Variants in FBXL4 observed in about 807,000 individuals in gnomAD.
FBXL4 encodes F-box and leucine rich repeat protein 4.
Under a neutral mutation model 58.9 loss-of-function variants are expected in FBXL4, and 40 were observed. That is an observed-to-expected ratio of 0.68 (90% confidence interval 0.53 to 0.88). FBXL4 has a LOEUF of 0.88. Ranked by LOEUF, FBXL4 falls within the 40% of genes least tolerant of loss-of-function variation. The probability of loss-of-function intolerance (pLI) is 0.00; values close to 1 mark genes in which losing one functional copy is unlikely to be tolerated. For missense variants in FBXL4, 676 were observed against 734.4 expected (o/e 0.92, Z 0.92); for synonymous variants, 263 against 265.5 (o/e 0.99, Z 0.09).
At chr6:98,879,942 CAAAAAAAAAA>C (rs57952065) in intron 8 of FBXL4, among the ~76,000 whole-genome samples, 2 of 62,544 alleles carry the variant, frequency 3.2e-5, no homozygotes, top group African/African-American at 1.3e-4. Flanking sequence ...GACTCCATCT[CAAAAAAAAAA>C]AAAAAAAAAA....
chr6:98,874,357 G>A lies in FBXL4; in HGVS notation c.1787C>T (p.Ser596Leu), dbSNP rs542778224. ...DLSLLDVSFC[S>L]QIDNRAVLEL... The stretch of plus-strand genomic sequence containing the variant: ...TAGCACAGCTCTGTTATCAATCTGC[G>A]AACAGAAGGACACATCAAGTAAAGA... The change falls in exon 10 of 10, where the codon TCG (serine) becomes TTG (leucine). Residue 596 changes from serine (S) to leucine (L), a missense_variant. Ser to Leu is a moderately radical substitution (Grantham distance 145, BLOSUM62 -2). Coordinates refer to ENST00000369244, the MANE Select transcript of FBXL4 (RefSeq NM_001278716.2). The A allele has an allele frequency of 5.0e-6, 8 of 1,612,982 alleles. No individual in the cohort carries two copies. The highest frequency in any genetic ancestry group is 1.7e-5 in the Admixed American group (1 of 59,788).
intron 1 of FBXL4, among the ~76,000 whole-genome samples, chr6:98,935,309 T>G (rs1269465336): frequency 1.3e-5 from 2 of 150,070 alleles, no homozygotes; most frequent in African/African-American, 2.5e-5. Context: ...GGTTTTTTGT[T>G]TTTTTTTTTT....
chr6:98,913,255 T>C (rs1364601864), intron 5 of FBXL4, among the ~76,000 whole-genome samples: 16 of 152,140 alleles, frequency 1.1e-4, no homozygotes, highest in South Asian at 8.3e-4. Flanking sequence ...CTGTCAACAT[T>C]AGACAGATCA....
intron 5 of FBXL4, among the ~76,000 whole-genome samples, chr6:98,911,520 C>T (rs1772068527): frequency 6.6e-6 from 1 of 152,182 alleles, no homozygotes; most frequent in South Asian, 2.1e-4. Flanking sequence ...ATTCGCGGAT[C>T]ACGAAAATCT....
At chr6:98,913,146 A>G (rs1772169258) in intron 5 of FBXL4, among the ~76,000 whole-genome samples, 3 of 152,324 alleles carry the variant, frequency 2.0e-5, no homozygotes, top group African/African-American at 7.2e-5. Flanking sequence ...ATATATATGC[A>G]TCCAATACAG....
At chr6:98,916,532 T>C (rs1381026933) in intron 5 of FBXL4, among the ~76,000 whole-genome samples, 1 of 151,576 alleles carries the variant, frequency 6.6e-6, no homozygotes, top group Non-Finnish European at 1.5e-5. Context: ...ATGGATGAAA[T>C]TGGAAATCAT....
intron 2 of FBXL4, among the ~76,000 whole-genome samples, chr6:98,930,091 C>T (rs1272655869): frequency 6.6e-6 from 1 of 152,156 alleles, no homozygotes; most frequent in Non-Finnish European, 1.5e-5. Context: ...ACAGACTAAA[C>T]CTTTACTAAT....
At chr6:98,916,725 G>A (rs1479486506) in intron 5 of FBXL4, among the ~76,000 whole-genome samples, 1 of 151,318 alleles carries the variant, frequency 6.6e-6, no homozygotes, top group Non-Finnish European at 1.5e-5. Context: ...GCTAAATGAC[G>A]AGTTGATGGG....
chr6:98,869,136 AT>A lies in FBXL4; in HGVS notation c.*5141del, dbSNP rs1204837006. 3.3e-5 allele frequency: 5 copies of A among 152,346 alleles called. No homozygotes were observed. The highest frequency in any genetic ancestry group is 1.2e-4 in the African/African-American group (5 of 41,586). The allele number at this position is 152,346 out of a possible 1,614,324, so 9.4% of individuals were successfully genotyped here. On this transcript the variant is annotated 3_prime_UTR_variant, in exon 10 of 10. Transcript: ENST00000369244. ...GTCAAAAAAAGCAAATGAGGTGATG[AT>A]TGGCAGTTAATGGTCATTGACAAGA...
intron 2 of FBXL4, among the ~76,000 whole-genome samples, chr6:98,930,840 T>C (rs1026089599): frequency 3.9e-5 from 6 of 152,216 alleles, no homozygotes; most frequent in African/African-American, 1.4e-4. Flanking sequence ...ATACACTTTA[T>C]TTCAAAATAG....
chr6:98,938,241 C>T (rs1773296801), intron 1 of FBXL4, among the ~76,000 whole-genome samples: 1 of 152,134 alleles, frequency 6.6e-6, no homozygotes, highest in African/African-American at 2.4e-5. Context: ...CTTACAGGTT[C>T]TCTCTGTTGA....
At chr6:98,896,715 T>C (rs927858059) in intron 7 of FBXL4, 1 of 841,102 alleles carries the variant, frequency 1.2e-6, no homozygotes, top group Non-Finnish European at 1.4e-6. Flanking sequence ...ATAAAAAAAA[T>C]TTAATAGGAA....
At chr6:98,910,453 A>G (rs970317733) in intron 5 of FBXL4, among the ~76,000 whole-genome samples, 2 of 151,888 alleles carry the variant, frequency 1.3e-5, no homozygotes, top group Non-Finnish European at 2.9e-5. Context: ...GGAGATCGAG[A>G]CAATACTGGC....
intron 5 of FBXL4, among the ~76,000 whole-genome samples, chr6:98,914,923 T>C (rs1037828326): frequency 6.6e-6 from 1 of 152,138 alleles, no homozygotes; most frequent in African/African-American, 2.4e-5. Context: ...GAAAACCCCA[T>C]TGTCTCAGCC....
intron 5 of FBXL4, among the ~76,000 whole-genome samples, chr6:98,910,314 G>C (rs535937123): frequency 6.6e-6 from 1 of 152,232 alleles, no homozygotes; most frequent in East Asian, 1.9e-4. Context: ...CACCCCAGTA[G>C]GGACACACTG....
At chr6:98,911,906 G>C (rs1772092211) in intron 5 of FBXL4, among the ~76,000 whole-genome samples, 1 of 152,106 alleles carries the variant, frequency 6.6e-6, no homozygotes, top group Non-Finnish European at 1.5e-5. Flanking sequence ...CAAACCAAAG[G>C]CAAAGAAGTT....
At chr6:98,906,218 C>T (rs540983796) in intron 5 of FBXL4, among the ~76,000 whole-genome samples, 1 of 151,482 alleles carries the variant, frequency 6.6e-6, no homozygotes, top group South Asian at 2.1e-4. Flanking sequence ...GGTACATGTG[C>T]AGAACATGCA....
intron 1 of FBXL4, 144 bp downstream of exon 1, chr6:98,947,662 G>GAGGGGCGGGC (rs1582471768): frequency 1.3e-5 from 2 of 152,536 alleles, no homozygotes; most frequent in East Asian, 3.9e-4. Context: ...CGCGGGCGGG[G>GAGGGGCGGGC]AGGGGCGGGC....
chr6:98,905,541 C>T lies in FBXL4; in HGVS notation c.988G>A (p.Ala330Thr), dbSNP rs759851318. The T allele has an allele frequency of 6.8e-6, 11 of 1,613,810 alleles. No individual in the cohort carries two copies. The highest frequency in any genetic ancestry group is 4.0e-5 in the African/African-American group (3 of 74,862). The stretch of plus-strand genomic sequence containing the variant: ...TCCAGAGAAGTGTCATCTAGTTTTG[C>T]CCAGTATGGTTGCAGATTGAGGTGG... ...YIHLNLQPYW[A>T]KLDDTSLEFL... The change falls in exon 6 of 10, where the codon GCA becomes ACA. Residue 330 changes from alanine to threonine, a missense_variant. Transcript: ENST00000369244.
Sources: gnomAD v4.1 joint callset for allele counts (sites outside exome capture counted in the v4.1 genomes callset) on GRCh38, gnomAD v4.1.1 for gene constraint, MANE v1.5 for transcripts, NCBI Gene and HGNC (gene_info 2026-07-23, HGNC 2026-07-21) for gene names.